The following HAPLN2 variants were observed in gnomAD, a reference collection of about 807,000 sequenced individuals.
The protein encoded by HAPLN2 is brain link protein-1.
A neutral mutation model predicts 29.3 loss-of-function variants in HAPLN2; 27 were observed. That is an observed-to-expected ratio of 0.92 (90% CI 0.68 to 1.27). HAPLN2 has a LOEUF of 1.27. Ranked by LOEUF, HAPLN2 falls within the 50% of genes most tolerant of loss-of-function variation. The probability of loss-of-function intolerance (pLI) is 0.00; values close to 1 mark genes in which losing one functional copy is unlikely to be tolerated. For missense variants in HAPLN2, 454 were observed against 484.3 expected (o/e 0.94, Z 0.59); for synonymous variants, 208 against 211.7 (o/e 0.98, Z 0.15).
chr1:156,624,596 GCCAGCTTGGA>G lies in HAPLN2; in HGVS notation c.557-2_564del. 1 of 1,611,668 alleles carries G rather than the reference GCCAGCTTGGA, an allele frequency of 6.2e-7. No individual in the cohort carries two copies. Among genetic ancestry groups the G allele is most frequent in the South Asian group, 1.1e-5 (1 of 90,692 alleles). ...TTATCCCCGACCTCCGCCGTCTCCC[GCCAGCTTGGA>G]CCGAGGGTCTGGACTGGTGTAACGC... On this transcript the variant is annotated splice_acceptor_variant and splice_polypyrimidine_tract_variant and coding_sequence_variant and intron_variant, in exon 6 of 7. Transcript: ENST00000255039. LOFTEE classifies it high-confidence loss of function.
chr1:156,624,887 C>G (rs1678394803), intron 6 of HAPLN2, 104 bp downstream of exon 6: 12 of 1,338,336 alleles, frequency 9.0e-6, no homozygotes, highest in Non-Finnish European at 1.2e-5. Context: ...CCGGGTCCCT[C>G]CAAGGCACCG....
the HAPLN2 span, among the ~76,000 whole-genome samples, chr1:156,613,791 C>T: frequency 2.0e-5 from 3 of 151,944 alleles, no homozygotes; most frequent in Admixed American, 2.0e-4. Context: ...GTGGCTCACG[C>T]CTGTAACCCT....
the HAPLN2 span, among the ~76,000 whole-genome samples, chr1:156,608,456 T>C: frequency 1.3e-5 from 2 of 152,124 alleles, no homozygotes; most frequent in East Asian, 3.8e-4. Flanking sequence ...ATGCTGGTCA[T>C]GGTGTAGGTG....
Position 156,625,306 on chromosome 1 carries a change from G to T in HAPLN2, c.945G>T (p.Pro315=). The part of the protein sequence containing the change: ...TTPRPRCGGL[P]DPGVRSFGFP... Reference sequence around the variant, plus strand: ...CGAGGCCGCGCTGCGGGGGGCTCCCGGATCCCGGAGTGCGCAGTTTCGGCT... The same window carrying T: ...CGAGGCCGCGCTGCGGGGGGCTCCCTGATCCCGGAGTGCGCAGTTTCGGCT... The change falls in exon 7 of 7, where the codon CCG becomes CCT. Residue 315 remains proline, a synonymous_variant. Transcript: ENST00000255039. This position sits in a 1 kb window ranked among gnomAD's most constrained non-coding sequence, Gnocchi z 5.7. 1 of 1,585,130 alleles carries T rather than the reference G, an allele frequency of 6.3e-7. No homozygotes were observed. Among genetic ancestry groups the T allele is most frequent in the East Asian group, 2.3e-5 (1 of 42,994 alleles).
intron 4 of HAPLN2, 80 bp downstream of exon 4, chr1:156,624,240 T>C: frequency 6.6e-7 from 1 of 1,515,184 alleles, no homozygotes; most frequent in Non-Finnish European, 8.9e-7. Context: ...TCCTTCCCAG[T>C]ATCTCCTCCG....
At chr1:156,610,010 T>C in the HAPLN2 span, among the ~76,000 whole-genome samples, 1 of 151,034 alleles carries the variant, frequency 6.6e-6, no homozygotes, top group East Asian at 2.0e-4. Flanking sequence ...GGTCAGGAGA[T>C]GGAGACCGTC....
At position 156,623,582 on chromosome 1, in the gene HAPLN2, C is replaced by A. The variant is rs1282025118; in HGVS notation, c.85+7C>A. 1 of 1,614,072 alleles carries A rather than the reference C, an allele frequency of 6.2e-7. No homozygotes were observed. The highest frequency in any genetic ancestry group is 1.1e-5 in the South Asian group (1 of 91,046). On this transcript the variant is annotated splice_region_variant and intron_variant, in intron 3 of 6. Coordinates refer to ENST00000255039, the MANE Select transcript of HAPLN2 (RefSeq NM_021817.3). Reference sequence around the variant, plus strand: ...AAAGCCCAAGGAGACCCAGGTAAGACCCCAGCCCAGGCCAGAATCTGGGGG... The same window carrying A: ...AAAGCCCAAGGAGACCCAGGTAAGAACCCAGCCCAGGCCAGAATCTGGGGG...
chr1:156,624,556 T>C (rs751753568), intron 5 of HAPLN2, 45 bp from the exon 6 acceptor site: 51 of 1,604,730 alleles, frequency 3.2e-5, no homozygotes, highest in Admixed American at 8.5e-5. Flanking sequence ...GTCTGGCTCC[T>C]GCCTATGACG....
rs1678370944 is a variant in HAPLN2, at chr1:156,624,404, G to T, written c.493G>T (p.Glu165Ter). The change falls in exon 5 of 7, where the codon GAG becomes TAG. Residue 165 changes from glutamate (E) to a stop codon, truncating the protein, a stop_gained. Coordinates refer to ENST00000255039, the MANE Select transcript of HAPLN2 (RefSeq NM_021817.3). LOFTEE classifies it high-confidence loss of function. Reference sequence around the variant, plus strand: ...GGGCCGGTACCAGTTCAATTACTACGAGGCGAAGCAGGCGTGCGAGGAGCA... The same window carrying T: ...GGGCCGGTACCAGTTCAATTACTACTAGGCGAAGCAGGCGTGCGAGGAGCA... ...SRGRYQFNYY[E>*]AKQACEEQDG... 6.2e-7 allele frequency: 1 copy of T among 1,610,724 alleles called. No individual in the cohort carries two copies. Among genetic ancestry groups the T allele is most frequent in the South Asian group, 1.1e-5 (1 of 90,300 alleles).
Position 156,625,309 on chromosome 1 carries a change from T to C in HAPLN2, c.948T>C (p.Asp316=). 6.3e-7 allele frequency: 1 copy of C among 1,587,368 alleles called. No homozygotes were observed. Among genetic ancestry groups the C allele is most frequent in the Non-Finnish European group, 8.6e-7 (1 of 1,167,934 alleles). Residue 316 remains aspartate (D), a synonymous_variant, in exon 7 of 7, where the codon GAT becomes GAC. Transcript: ENST00000255039. This position sits in a 1 kb window ranked among gnomAD's most constrained non-coding sequence, Gnocchi z 5.7. ...GGCCGCGCTGCGGGGGGCTCCCGGATCCCGGAGTGCGCAGTTTCGGCTTCC... is the reference window on the plus strand; with the variant it reads ...GGCCGCGCTGCGGGGGGCTCCCGGACCCCGGAGTGCGCAGTTTCGGCTTCC... ...TPRPRCGGLP[D]PGVRSFGFPR...
upstream of HAPLN2, among the ~76,000 whole-genome samples, chr1:156,616,031 T>C (rs1355897937): frequency 6.6e-6 from 1 of 152,224 alleles, no homozygotes; most frequent in Admixed American, 6.5e-5. Flanking sequence ...TTGCCAGCCC[T>C]TCCAGTCATT....
chr1:156,623,355 T>C, intron 2 of HAPLN2, 112 bp from the exon 3 acceptor site: 1 of 866,760 alleles, frequency 1.2e-6, no homozygotes, highest in Non-Finnish European at 1.7e-6. Context: ...CCCCAGTGGC[T>C]TCCAGCTGGA....
intron 2 of HAPLN2, among the ~76,000 whole-genome samples, chr1:156,620,474 C>A (rs556717086): frequency 6.6e-6 from 1 of 152,290 alleles, no homozygotes; most frequent in Middle Eastern, 3.4e-3. Context: ...CAATTTTAAA[C>A]GTGTTCATTT....
chr1:156,621,102 A>ATTTTTTT (rs10653107), intron 2 of HAPLN2, among the ~76,000 whole-genome samples: 1 of 126,086 alleles, frequency 7.9e-6, no homozygotes, highest in Non-Finnish European at 1.6e-5. Context: ...AGAAGTCTTC[A>ATTTTTTT]TTTTTTTTTT....
chr1:156,623,832 C>A lies in HAPLN2; in HGVS notation c.111C>A (p.Leu37=). The A allele has an allele frequency of 6.5e-7, 1 of 1,537,172 alleles. No homozygotes were observed. Among genetic ancestry groups the A allele is most frequent in the Non-Finnish European group, 8.8e-7 (1 of 1,142,726 alleles). The stretch of plus-strand genomic sequence containing the variant: ...CATCCCACCCGGGCCCCCACTACCT[C>A]CTGCCCCCCATCCACGAGGTCATTC... The part of the protein sequence containing the change: ...DPASHPGPHY[L]LPPIHEVIHS... The change falls in exon 4 of 7, where the codon CTC becomes CTA. Residue 37 remains leucine, a synonymous_variant. Transcript: ENST00000255039.
intron 6 of HAPLN2, 31 bp downstream of exon 6, chr1:156,624,814 G>A (rs1399233705): frequency 1.8e-5 from 26 of 1,463,090 alleles, no homozygotes; most frequent in Non-Finnish European, 2.3e-5. Flanking sequence ...AGGGTCTTGG[G>A]GAGGGGTCTG....
the HAPLN2 span, among the ~76,000 whole-genome samples, chr1:156,614,096 AC>A: frequency 2.0e-5 from 3 of 152,118 alleles, no homozygotes; most frequent in Non-Finnish European, 2.9e-5. Context: ...AAGTATATGA[AC>A]TTGAACAAGT....
Position 156,625,048 on chromosome 1 carries a change from C to T in HAPLN2, c.740-53C>T. ...CCCAACTCCGCCTCCTGGGTGTCAG[C>T]CGCCCCTCTCCGCCCACCCTGCCCT... On this transcript the variant is annotated intron_variant, in intron 6 of 6. Coordinates refer to ENST00000255039, the MANE Select transcript of HAPLN2 (RefSeq NM_021817.3). The surrounding 1 kb of genome is among the most constrained non-coding windows in gnomAD (Gnocchi z 5.7). 1.3e-6 allele frequency: 2 copies of T among 1,518,136 alleles called. No individual in the cohort carries two copies. The highest frequency in any genetic ancestry group is 1.4e-5 in the African/African-American group (1 of 72,330). The allele number at this position is 1,518,136 out of a possible 1,614,324, so 94.0% of individuals were successfully genotyped here.
chr1:156,614,698 G>A (rs1678020302), upstream of HAPLN2: 1 of 152,138 alleles, frequency 6.6e-6, no homozygotes, highest in Non-Finnish European at 1.5e-5. Context: ...GATTTGAGAA[G>A]CCACGCTTTG....
Sources: allele counts gnomAD v4.1 joint callset (sites outside exome capture counted in the v4.1 genomes callset), GRCh38; gene constraint gnomAD v4.1.1; non-coding constraint Gnocchi (gnomAD v3.1); transcripts MANE v1.5; gene names NCBI Gene and HGNC (gene_info 2026-07-23, HGNC 2026-07-21).